ATRNL1: variants seen among roughly 807,000 people sequenced by gnomAD.
The protein encoded by ATRNL1 is attractin like 1.
ATRNL1 carries 95 observed loss-of-function variants against 182.7 expected under a neutral mutation model. The ratio of observed to expected loss-of-function variants is 0.52; its 90% CI spans 0.44 to 0.62. The LOEUF is 0.62. Ranked by LOEUF, ATRNL1 falls within the 20% of genes least tolerant of loss-of-function variation. ATRNL1 has a pLI of 0.00. For synonymous variants in ATRNL1, 576 were observed against 568.3 expected (o/e 1.01, Z -0.19); for missense variants, 1,471 against 1,679.5 (o/e 0.88, Z 2.17).
At chr10:115,650,928 G>T (rs1218142802) in intron 26 of ATRNL1, among the ~76,000 whole-genome samples, 1 of 152,090 alleles carries the variant, frequency 6.6e-6, no homozygotes, top group Non-Finnish European at 1.5e-5. Flanking sequence ...GATCACTAAA[G>T]TAAGTCTCCT....
chr10:115,545,941 T>G (rs556541636), intron 25 of ATRNL1, among the ~76,000 whole-genome samples: 1 of 152,318 alleles, frequency 6.6e-6, no homozygotes, highest in Admixed American at 6.5e-5. Context: ...ACTTTGAACC[T>G]TAGACAGTTT....
chr10:115,665,654 A>G (rs1593034429), intron 26 of ATRNL1, among the ~76,000 whole-genome samples: 1 of 152,176 alleles, frequency 6.6e-6, no homozygotes, highest in African/African-American at 2.4e-5. Flanking sequence ...ATATTTAAGA[A>G]TTACTAAATA....
At chr10:115,529,373 C>T (rs1554987527) in intron 25 of ATRNL1, among the ~76,000 whole-genome samples, 1 of 151,200 alleles carries the variant, frequency 6.6e-6, no homozygotes, top group African/African-American at 2.4e-5. Context: ...GTGTATGTTT[C>T]TTTTATACCA....
intron 18 of ATRNL1, among the ~76,000 whole-genome samples, chr10:115,329,831 T>G (rs2134060278): frequency 6.6e-6 from 1 of 152,264 alleles, no homozygotes; most frequent in East Asian, 1.9e-4. Flanking sequence ...ATTCATTGAC[T>G]CACTGTTTGT....
intron 28 of ATRNL1, among the ~76,000 whole-genome samples, chr10:115,904,336 C>T (rs1343790053): frequency 2.6e-5 from 4 of 152,328 alleles, no homozygotes; most frequent in African/African-American, 9.6e-5. Flanking sequence ...CACAGGAAAT[C>T]TGACTAGCAC....
intron 27 of ATRNL1, among the ~76,000 whole-genome samples, chr10:115,729,787 G>A (rs1024747581): frequency 6.6e-6 from 1 of 151,828 alleles, no homozygotes; most frequent in Non-Finnish European, 1.5e-5. Context: ...CCTTCCATAT[G>A]TTAATACCAC....
intron 28 of ATRNL1, among the ~76,000 whole-genome samples, chr10:115,911,760 C>T (rs1952685400): frequency 6.6e-6 from 1 of 152,118 alleles, no homozygotes; most frequent in Admixed American, 6.5e-5. Flanking sequence ...AAGCCCTTAG[C>T]AGGCAGCTGC....
intron 19 of ATRNL1, among the ~76,000 whole-genome samples, chr10:115,365,704 G>T (rs1856999386): frequency 1.3e-5 from 2 of 151,704 alleles, no homozygotes; most frequent in Admixed American, 6.6e-5. Context: ...GCGTCCCAGA[G>T]ATTCTGGTAT....
At chr10:115,611,338 C>T (rs141070402) in intron 26 of ATRNL1, among the ~76,000 whole-genome samples, 1 of 151,958 alleles carries the variant, frequency 6.6e-6, no homozygotes, top group African/African-American at 2.4e-5. Context: ...TTACTTATCT[C>T]GGGTTGTTTA....
chr10:115,253,695 C>G (rs1554905958), intron 10 of ATRNL1, among the ~76,000 whole-genome samples: 1 of 151,930 alleles, frequency 6.6e-6, no homozygotes, highest in Non-Finnish European at 1.5e-5. Flanking sequence ...GTTTGCTGCA[C>G]CCATCAGCTC....
chr10:115,588,568 A>T (rs1855713789), intron 26 of ATRNL1, among the ~76,000 whole-genome samples: 2 of 152,174 alleles, frequency 1.3e-5, no homozygotes. Flanking sequence ...AACAACAAAA[A>T]TTGGGGTGCT....
intron 27 of ATRNL1, among the ~76,000 whole-genome samples, chr10:115,750,379 G>A (rs1370158371): frequency 6.6e-6 from 1 of 151,796 alleles, no homozygotes; most frequent in East Asian, 1.9e-4. Flanking sequence ...AAAAAGATGG[G>A]CTTCTCAGCA....
chr10:115,215,937 C>A, intron 9 of ATRNL1, 57 bp downstream of exon 9: 3 of 1,306,890 alleles, frequency 2.3e-6, no homozygotes, highest in East Asian at 2.7e-5. Context: ...AAATGATTGA[C>A]TTTAAAATGG....
intron 5 of ATRNL1, among the ~76,000 whole-genome samples, chr10:115,146,390 T>C (rs1845971532): frequency 6.6e-6 from 1 of 152,152 alleles, no homozygotes; most frequent in African/African-American, 2.4e-5. Flanking sequence ...TGAGTATTTG[T>C]TATCCGCATA....
In ATRNL1 at chr10:115,785,944, G is replaced by A. The variant is rs1949386365; in HGVS notation, c.3903+58589G>A. ...ATTTCTTTATAACAAGCACTGACTTGCCTCCAGTTTCCGATAATATGTTCT... is the reference window on the plus strand; with the variant it reads ...ATTTCTTTATAACAAGCACTGACTTACCTCCAGTTTCCGATAATATGTTCT... On this transcript the variant is annotated intron_variant, in intron 27 of 28. Transcript: ENST00000355044. Among the ~76,000 whole-genome samples the A allele has an allele frequency of 2.6e-5, 4 of 152,158 alleles. No homozygotes were observed. In the South Asian group the frequency reaches 8.3e-4, roughly 32 times the overall value.
intron 26 of ATRNL1, among the ~76,000 whole-genome samples, chr10:115,561,717 G>GTGTGTGTGTGTGTGTT (rs1853758620): frequency 6.6e-6 from 1 of 151,256 alleles, no homozygotes. Context: ...GTGTGTGTGT[G>GTGTGTGTGTGTGTGTT]TGTGTGTTTG....
At position 115,748,611 on chromosome 10, in the gene ATRNL1, T is replaced by A. The variant is rs1281440478; in HGVS notation, c.3903+21256T>A. ...AATTAATATAAATATTTTTCCTCAA[T>A]TTCTTTTTAAATACATTTCTCATAA... is the stretch of plus-strand genomic sequence containing the variant. On this transcript the variant is annotated intron_variant, in intron 27 of 28. Transcript: ENST00000355044. Among the ~76,000 whole-genome samples, 4 of 151,826 alleles carry A rather than the reference T, an allele frequency of 2.6e-5. 1 individual carries two copies. The highest frequency in any genetic ancestry group is 5.9e-5 in the Non-Finnish European group (4 of 67,914).
At chr10:115,701,268 A>G (rs958694050) in intron 26 of ATRNL1, among the ~76,000 whole-genome samples, 4 of 152,090 alleles carry the variant, frequency 2.6e-5, no homozygotes, top group African/African-American at 9.7e-5. Context: ...GTGAAAATAT[A>G]GATACAACAT....
At chr10:115,140,451 A>G (rs930181109) in intron 5 of ATRNL1, among the ~76,000 whole-genome samples, 31 of 152,232 alleles carry the variant, frequency 2.0e-4, no homozygotes, top group Non-Finnish European at 1.5e-5. Flanking sequence ...AATGTGGACT[A>G]GATGTAGGGG....
Sources: allele counts gnomAD v4.1 joint callset (sites outside exome capture counted in the v4.1 genomes callset), GRCh38; gene constraint gnomAD v4.1.1; transcripts MANE v1.5; gene names NCBI Gene and HGNC (gene_info 2026-07-23, HGNC 2026-07-21).